Variants in FOXJ2 observed in about 807,000 individuals in gnomAD.
The protein encoded by FOXJ2 is forkhead box protein J2.
FOXJ2 carries 18 observed loss-of-function variants against 68.4 expected under a neutral mutation model. That is an observed-to-expected ratio of 0.26 (90% CI 0.18 to 0.39). The LOEUF is 0.39. Among genes scored for constraint, FOXJ2 ranks in the 10% least tolerant of loss-of-function variants. The probability of loss-of-function intolerance (pLI) is 1.00; values close to 1 mark genes in which losing one functional copy is unlikely to be tolerated. For missense variants in FOXJ2, 670 were observed against 726.5 expected (o/e 0.92, Z 0.89); for synonymous variants, 274 against 263.2 (o/e 1.04, Z -0.40).
chr12:8,042,046 T>C (rs928496557), intron 2 of FOXJ2, among the ~76,000 whole-genome samples: 8 of 152,190 alleles, frequency 5.3e-5, no homozygotes, highest in African/African-American at 1.9e-4. Context: ...CCTGGCTAAT[T>C]TTTGTATTTT....
At chr12:8,048,879 T>G in intron 8 of FOXJ2, 81 bp downstream of exon 8, 1 of 1,070,878 alleles carries the variant, frequency 9.3e-7, no homozygotes, top group Non-Finnish European at 1.4e-6. Context: ...AAGGGGGTGG[T>G]TAAATGAAGT....
intron 10 of FOXJ2, 46 bp downstream of exon 10, chr12:8,050,666 T>G: frequency 6.9e-6 from 11 of 1,604,838 alleles, no homozygotes; most frequent in Non-Finnish European, 9.4e-6. Context: ...CTCTGATGAG[T>G]TGCTTTGCTT....
At chr12:8,050,695 GCATTCTGT>G in intron 10 of FOXJ2, 75 bp downstream of exon 10, 1 of 1,532,680 alleles carries the variant, frequency 6.5e-7, no homozygotes, top group Non-Finnish European at 9.0e-7. Context: ...CTCTGAGCTG[GCATTCTGT>G]GCATTTTTGC....
intron 1 of FOXJ2, among the ~76,000 whole-genome samples, chr12:8,036,769 A>G (rs1252534206): frequency 2.6e-5 from 4 of 152,088 alleles, no homozygotes; most frequent in African/African-American, 9.7e-5. Context: ...CATCTCTTTT[A>G]TGGAAGGGGG....
intron 10 of FOXJ2, among the ~76,000 whole-genome samples, chr12:8,051,184 C>G (rs1437384505): frequency 6.8e-6 from 1 of 148,048 alleles, no homozygotes; most frequent in Non-Finnish European, 1.5e-5. Flanking sequence ...GGCTGGAGTA[C>G]AGTGGTGCGA....
At chr12:8,050,711 T>A in intron 10 of FOXJ2, 91 bp downstream of exon 10, 1 of 1,433,238 alleles carries the variant, frequency 7.0e-7, no homozygotes, top group Non-Finnish European at 9.8e-7. Context: ...TGTGCATTTT[T>A]GCCTGCATCT....
chr12:8,043,930 C>CT (rs758059604), intron 4 of FOXJ2, 21 bp from the exon 5 acceptor site: 26 of 1,547,368 alleles, frequency 1.7e-5, no homozygotes, highest in Admixed American at 2.1e-5. Context: ...TTATAGATTT[C>CT]TTTTTTTTCA....
intron 10 of FOXJ2, among the ~76,000 whole-genome samples, chr12:8,051,807 C>A (rs1288094630): frequency 6.6e-6 from 1 of 152,178 alleles, no homozygotes; most frequent in African/African-American, 2.4e-5. Flanking sequence ...TCTCTCTATT[C>A]TTTGTCCATA....
chr12:8,037,034 A>G (rs1423077377), intron 1 of FOXJ2, among the ~76,000 whole-genome samples: 1 of 152,218 alleles, frequency 6.6e-6, no homozygotes, highest in Non-Finnish European at 1.5e-5. Flanking sequence ...GGTTGCAGTG[A>G]GCCGAGATCG....
At position 8,040,013 on chromosome 12, in the gene FOXJ2, G is replaced by T. The variant is rs745455298; in HGVS notation, c.181G>T (p.Val61Leu). The stretch of plus-strand genomic sequence containing the variant: ...CACCCTGAGCAAAGACGAGGCAGCA[G>T]TGCACCAGGACGGCAAGCCACGATA... ...NATLSKDEAA[V>L]HQDGKPRYSY... Residue 61 changes from valine to leucine, a missense_variant, in exon 2 of 11, where the codon GTG becomes TTG. By Grantham distance (32) the Val-to-Leu change is conservative. Coordinates refer to ENST00000162391, the MANE Select transcript of FOXJ2 (RefSeq NM_018416.3). This position sits in a 1 kb window ranked among gnomAD's most constrained non-coding sequence, Gnocchi z 4.0. 6.2e-6 allele frequency: 10 copies of T among 1,614,020 alleles called. No homozygotes were observed. In the Admixed American group the frequency reaches 1.2e-4, roughly 19 times the overall value.
rs1344378130 is a variant in FOXJ2, at chr12:8,035,202, T to C, written c.-15+1369T>C. The stretch of plus-strand genomic sequence containing the variant: ...TGGCTCTCTGTTTCAAGTGGGTATG[T>C]GTGTGGAGACAGGTACTTATGTGCT... On this transcript the variant is annotated intron_variant, in intron 1 of 10. Coordinates refer to ENST00000162391, the MANE Select transcript of FOXJ2 (RefSeq NM_018416.3). The surrounding 1 kb of genome is among the most constrained non-coding windows in gnomAD (Gnocchi z 4.0). Among the ~76,000 whole-genome samples the C allele has an allele frequency of 2.6e-5, 4 of 152,196 alleles. No homozygotes were observed. Among genetic ancestry groups the C allele is most frequent in the Non-Finnish European group, 4.4e-5 (3 of 68,034 alleles).
At chr12:8,043,217 C>CAAAAAAAA (rs11423157) in intron 3 of FOXJ2, among the ~76,000 whole-genome samples, 2 of 58,148 alleles carry the variant, frequency 3.4e-5, no homozygotes, top group African/African-American at 1.2e-4. Context: ...AACTCCATCT[C>CAAAAAAAA]AAAAAAAAAA....
At position 8,040,024 on chromosome 12, in the gene FOXJ2, C is replaced by T. The variant is rs148966560; in HGVS notation, c.192C>T (p.Asp64=). The part of the protein sequence containing the change: ...LSKDEAAVHQ[D]GKPRYSYATL... ...AAGACGAGGCAGCAGTGCACCAGGA[C>T]GGCAAGCCACGATACAGCTATGCCA... Residue 64 remains aspartate (D), a synonymous_variant, in exon 2 of 11, where the codon GAC becomes GAT. Coordinates refer to ENST00000162391, the MANE Select transcript of FOXJ2 (RefSeq NM_018416.3). This position sits in a 1 kb window ranked among gnomAD's most constrained non-coding sequence, Gnocchi z 4.0. The T allele has an allele frequency of 3.2e-5, 51 of 1,614,110 alleles. No individual in the cohort carries two copies. In the East Asian group the frequency reaches 3.8e-4, roughly 12 times the overall value.
chr12:8,045,198 C>T (rs759168913), intron 6 of FOXJ2, among the ~76,000 whole-genome samples: 4 of 149,770 alleles, frequency 2.7e-5, no homozygotes, highest in African/African-American at 9.8e-5. Flanking sequence ...CACGTGCTAC[C>T]ACGCTTGGCT....
intron 6 of FOXJ2, among the ~76,000 whole-genome samples, chr12:8,045,830 A>G (rs1481230004): frequency 7.0e-6 from 1 of 142,466 alleles, no homozygotes; most frequent in African/African-American, 2.6e-5. Flanking sequence ...GCTAATTTTT[A>G]TATTTCTTAG....
rs1946923740 is a variant in FOXJ2, at chr12:8,038,395, T to A, written c.-14-1424T>A. Among the ~76,000 whole-genome samples the A allele has an allele frequency of 6.6e-6, 1 of 152,152 alleles. No homozygotes were observed. The highest frequency in any genetic ancestry group is 1.5e-5 in the Non-Finnish European group (1 of 68,028). ...CTGCAAAGTGTGTGGATCTGTTGTA[T>A]TTTATGGATACGCTTGTGCATATAT... On this transcript the variant is annotated intron_variant, in intron 1 of 10. Coordinates refer to ENST00000162391, the MANE Select transcript of FOXJ2 (RefSeq NM_018416.3). The surrounding 1 kb of genome is among the most constrained non-coding windows in gnomAD (Gnocchi z 5.3).
At chr12:8,051,800 C>T (rs757324702) in intron 10 of FOXJ2, among the ~76,000 whole-genome samples, 2 of 152,286 alleles carry the variant, frequency 1.3e-5, no homozygotes, top group East Asian at 3.9e-4. Flanking sequence ...ATCTGACTCT[C>T]TCTATTCTTT....
rs1349451257 is a variant in FOXJ2, at chr12:8,052,801, G to C, written c.1676G>C (p.Gly559Ala). 6 of 1,610,810 alleles carry C rather than the reference G, an allele frequency of 3.7e-6. No homozygotes were observed. In the East Asian group the frequency reaches 8.9e-5, roughly 24 times the overall value. ...MVPRPSVPPP[G>A]ANEEIPDDFD... Reference sequence around the variant, plus strand: ...CCTCGGCCATCAGTGCCACCTCCTGGTGCCAATGAGGAGATCCCTGATGAC... The same window carrying C: ...CCTCGGCCATCAGTGCCACCTCCTGCTGCCAATGAGGAGATCCCTGATGAC... Residue 559 changes from glycine to alanine, a missense_variant, in exon 11 of 11, where the codon GGT becomes GCT. Gly to Ala is a moderately conservative substitution (Grantham distance 60). Transcript: ENST00000162391.
chr12:8,046,648 C>T (rs1015607485), intron 6 of FOXJ2, among the ~76,000 whole-genome samples: 12 of 152,194 alleles, frequency 7.9e-5, no homozygotes, highest in South Asian at 2.1e-4. Context: ...ACATCTGGTT[C>T]GGCCCTCTGC....
Sources: allele counts gnomAD v4.1 joint callset (sites outside exome capture counted in the v4.1 genomes callset), GRCh38; gene constraint gnomAD v4.1.1; non-coding constraint Gnocchi (gnomAD v3.1); transcripts MANE v1.5; gene names NCBI Gene and HGNC (gene_info 2026-07-23, HGNC 2026-07-21).